The following DLGAP2 variants were observed in gnomAD, a reference collection of about 807,000 sequenced individuals.
The protein encoded by DLGAP2 is disks large-associated protein 2.
In DLGAP2, 26 loss-of-function variants were observed where a neutral mutation model predicts 100.3. That is an observed-to-expected ratio of 0.26 (90% CI 0.19 to 0.36). The LOEUF is 0.36. DLGAP2 is among the 10% of genes least tolerant of loss of function. The probability of loss-of-function intolerance (pLI) is 1.00; values close to 1 mark genes in which losing one functional copy is unlikely to be tolerated. For missense variants in DLGAP2, 1,858 were observed against 1,453.2 expected (o/e 1.28, Z -4.53); for synonymous variants, 886 against 630.1 (o/e 1.41, Z -6.08).
At chr8:815,573 C>T (rs571117012) in intron 1 of DLGAP2, among the ~76,000 whole-genome samples, 1 of 152,190 alleles carries the variant, frequency 6.6e-6, no homozygotes, top group Admixed American at 6.5e-5. Context: ...TAAAATTTCA[C>T]TGTGTCCAGG....
intron 2 of DLGAP2, chr8:1,018,688 A>G (rs536708308): frequency 2.6e-5 from 4 of 152,254 alleles, no homozygotes; most frequent in Non-Finnish European, 5.9e-5. Context: ...TACTTTTTAC[A>G]TTTAATTGAC....
intron 1 of DLGAP2, among the ~76,000 whole-genome samples, chr8:882,120 A>G (rs1327927762): frequency 6.6e-6 from 1 of 152,202 alleles, no homozygotes; most frequent in Non-Finnish European, 1.5e-5. Context: ...TGGCTCCTTA[A>G]TAGAGAACTT....
chr8:1,351,628 G>A (rs867550843), intron 3 of DLGAP2, among the ~76,000 whole-genome samples: 19 of 60,092 alleles, frequency 3.2e-4, no homozygotes, highest in South Asian at 1.8e-3. Context: ...GGCCGTGCGG[G>A]TCCTGAGTGT....
chr8:1,484,138 G>A (rs1034227815), intron 3 of DLGAP2, among the ~76,000 whole-genome samples: 10 of 152,222 alleles, frequency 6.6e-5, no homozygotes, highest in Admixed American at 1.3e-4. Context: ...GTGCCAGAGA[G>A]CAGCCAGGGC....
chr8:1,549,941 G>A (rs1324092301), intron 5 of DLGAP2, among the ~76,000 whole-genome samples: 2 of 152,142 alleles, frequency 1.3e-5, no homozygotes, highest in African/African-American at 4.8e-5. Flanking sequence ...GTTGTTAACT[G>A]CAGTTACCGT....
chr8:1,519,700 G>A (rs1208449493), intron 4 of DLGAP2, among the ~76,000 whole-genome samples: 1 of 152,242 alleles, frequency 6.6e-6, no homozygotes, highest in African/African-American at 2.4e-5. Flanking sequence ...GTGGGCCTGG[G>A]ATCCGTATGC....
chr8:1,182,509 G>A (rs919197046), intron 2 of DLGAP2, among the ~76,000 whole-genome samples: 4 of 152,242 alleles, frequency 2.6e-5, no homozygotes, highest in East Asian at 1.9e-4. Flanking sequence ...GGAAATGAGC[G>A]TGCATTTAAT....
At chr8:823,038 G>A (rs1796612490) in intron 1 of DLGAP2, among the ~76,000 whole-genome samples, 1 of 151,972 alleles carries the variant, frequency 6.6e-6, no homozygotes, top group Non-Finnish European at 1.5e-5. Context: ...TTGCACTGAT[G>A]GAAAGGTCTA....
intron 1 of DLGAP2, among the ~76,000 whole-genome samples, chr8:900,716 T>A (rs1032476463): frequency 2.6e-5 from 4 of 152,022 alleles, no homozygotes; most frequent in African/African-American, 9.7e-5. Flanking sequence ...GGAGCATTTG[T>A]AGAGAGAAAT....
intron 8 of DLGAP2, among the ~76,000 whole-genome samples, chr8:1,640,748 C>A (rs1797878247): frequency 6.6e-6 from 1 of 152,160 alleles, no homozygotes; most frequent in Non-Finnish European, 1.5e-5. Context: ...AAAACAGGCA[C>A]AGGTGGAAGT....
chr8:1,003,727 G>T (rs1801027054), intron 2 of DLGAP2, among the ~76,000 whole-genome samples: 1 of 152,168 alleles, frequency 6.6e-6, no homozygotes, highest in South Asian at 2.1e-4. Context: ...AGCTCATCTA[G>T]GGCTGTTGTC....
intron 1 of DLGAP2, among the ~76,000 whole-genome samples, chr8:873,141 C>T (rs928148165): frequency 7.2e-5 from 11 of 152,238 alleles, no homozygotes; most frequent in Admixed American, 6.5e-4. Flanking sequence ...AGTGTAAATG[C>T]TTTGCATGAA....
chr8:775,110 A>C (rs541799455), intron 1 of DLGAP2, among the ~76,000 whole-genome samples: 2 of 152,290 alleles, frequency 1.3e-5, no homozygotes, highest in African/African-American at 2.4e-5. Context: ...TCTTTGAAGC[A>C]ATTGTGAATG....
rs534574611 is a variant in DLGAP2, at chr8:1,251,474, T to A, written c.74-7377T>A. On this transcript the variant is annotated intron_variant, in intron 2 of 14. Coordinates refer to ENST00000637795, the MANE Select transcript of DLGAP2 (RefSeq NM_001346810.2). ...TTATTTTTGAGACAGGGTCTCTGTC[T>A]GTCCCCAGGCTGGAGTGCACTGGTG... is the stretch of plus-strand genomic sequence containing the variant. Among the ~76,000 whole-genome samples, 20 of 152,352 alleles carry A rather than the reference T, an allele frequency of 1.3e-4. No homozygotes were observed. In the South Asian group the frequency reaches 4.1e-3, roughly 32 times the overall value.
rs138908456 is a variant in DLGAP2 at position 1,654,966 on chromosome 8, G to A, written c.1811-13363G>A. Among the ~76,000 whole-genome samples, 626 of 152,306 alleles carry A rather than the reference G, an allele frequency of 4.1e-3. 1 individual carries two copies. The highest frequency in any genetic ancestry group is 0.014 in the African/African-American group (602 of 41,550). ...AATACAAGTTCTCGCCGTGTGATGT[G>A]ATGTTCAAACCTTTTCAATGGAAAC... On this transcript the variant is annotated intron_variant, in intron 8 of 14. Coordinates refer to ENST00000637795, the MANE Select transcript of DLGAP2 (RefSeq NM_001346810.2).
chr8:954,532 G>T (rs1799553768), intron 2 of DLGAP2, among the ~76,000 whole-genome samples: 1 of 152,190 alleles, frequency 6.6e-6, no homozygotes, highest in African/African-American at 2.4e-5. Flanking sequence ...TTACACAGCA[G>T]TGGAAAATGA....
intron 2 of DLGAP2, among the ~76,000 whole-genome samples, chr8:1,178,129 G>A (rs911479854): frequency 6.6e-6 from 1 of 152,196 alleles, no homozygotes; most frequent in African/African-American, 2.4e-5. Context: ...CAAGGCCTTG[G>A]AGAGAACTAG....
intron 6 of DLGAP2, among the ~76,000 whole-genome samples, chr8:1,588,763 G>A (rs1348737178): frequency 8.3e-5 from 10 of 120,760 alleles, no homozygotes; most frequent in Middle Eastern, 4.0e-3. Context: ...AAAAAAAAAA[G>A]GAAAAAAAAT....
intron 2 of DLGAP2, among the ~76,000 whole-genome samples, chr8:1,126,621 G>T (rs1028246739): frequency 1.3e-5 from 2 of 152,046 alleles, no homozygotes; most frequent in Admixed American, 1.3e-4. Flanking sequence ...TTTCAGTAGG[G>T]TCTCGGGGTG....
Sources: allele counts gnomAD v4.1 joint callset (sites outside exome capture counted in the v4.1 genomes callset), GRCh38; gene constraint gnomAD v4.1.1; transcripts MANE v1.5; gene names NCBI Gene and HGNC (gene_info 2026-07-23, HGNC 2026-07-21).